Variants in ADGRA2 observed in about 807,000 individuals in gnomAD.
ADGRA2 encodes G-protein coupled receptor 124.
ADGRA2 carries 61 observed loss-of-function variants against 98.7 expected under a neutral mutation model. That is an observed-to-expected ratio of 0.62 (90% CI 0.50 to 0.76). The LOEUF (loss-of-function observed/expected upper bound fraction) is 0.76. Among genes scored for constraint, ADGRA2 ranks in the 30% least tolerant of loss-of-function variants. The pLI is 0.00. For synonymous variants in ADGRA2, 858 were observed against 831.5 expected (o/e 1.03, Z -0.55); for missense variants, 1,712 against 1,860.0 (o/e 0.92, Z 1.46).
At chr8:37,806,661 CTGGGACTACAGA>C (rs1292071655) in intron 1 of ADGRA2, among the ~76,000 whole-genome samples, 3 of 151,682 alleles carry the variant, frequency 2.0e-5, no homozygotes, top group African/African-American at 7.3e-5. Context: ...TCCCTAGTAG[CTGGGACTACAGA>C]TGCATGCTAC....
At chr8:37,824,283 C>T (rs1805206537) in intron 2 of ADGRA2, among the ~76,000 whole-genome samples, 1 of 151,834 alleles carries the variant, frequency 6.6e-6, no homozygotes, top group Non-Finnish European at 1.5e-5. Context: ...CCCGCCTTGG[C>T]CACCCAGAGT....
At chr8:37,808,945 C>T (rs149911568) in intron 1 of ADGRA2, among the ~76,000 whole-genome samples, 8,346 of 152,150 alleles carry the variant, frequency 0.055, 475 homozygotes, top group East Asian at 0.19. Context: ...CTGCCTCAGC[C>T]TCCAGAGTAG....
chr8:37,840,857 C>T lies in ADGRA2; in HGVS notation c.2747+8C>T. 1.2e-6 allele frequency: 1 copy of T among 817,882 alleles called. No homozygotes were observed. Among genetic ancestry groups the T allele is most frequent in the Non-Finnish European group, 1.9e-6 (1 of 521,106 alleles). The allele number at this position is 817,882 out of a possible 1,614,324, so 50.7% of individuals were successfully genotyped here. On this transcript the variant is annotated splice_region_variant and intron_variant, in intron 18 of 18. Coordinates refer to ENST00000412232, the MANE Select transcript of ADGRA2 (RefSeq NM_032777.10). ...CCGGGACCACAGCCCCTAGTGAGCACCCCTCCCTCCCGCCCCAAGCCTACC... is the reference window on the plus strand; with the variant it reads ...CCGGGACCACAGCCCCTAGTGAGCATCCCTCCCTCCCGCCCCAAGCCTACC...
intron 17 of ADGRA2, 27 bp from the exon 18 acceptor site, chr8:37,840,733 G>T (rs758677906): frequency 8.0e-7 from 1 of 1,247,888 alleles, no homozygotes; most frequent in Non-Finnish European, 1.2e-6. Flanking sequence ...CCCATCTCTG[G>T]GACCCCCAAT....
At chr8:37,808,057 T>C (rs1376716880) in intron 1 of ADGRA2, among the ~76,000 whole-genome samples, 1 of 152,122 alleles carries the variant, frequency 6.6e-6, no homozygotes, top group Non-Finnish European at 1.5e-5. Flanking sequence ...TCCAGCCTCA[T>C]TAGTGGGAAC....
chr8:37,835,688 C>G lies in ADGRA2; in HGVS notation c.1968C>G (p.Ser656Arg), dbSNP rs1805590308. Residue 656 changes from serine (S) to arginine (R), a missense_variant, in exon 13 of 19, where the codon AGC (serine) becomes AGG (arginine). Physicochemically the swap from Ser to Arg is moderately radical, Grantham distance 110 (BLOSUM62 -1). Transcript: ENST00000412232. ...TCCGAAATGGCCGCCTCTTCCACAGCCACAGCAACACCTCCCGCCCTGGAG... is the reference window on the plus strand; with the variant it reads ...TCCGAAATGGCCGCCTCTTCCACAGGCACAGCAACACCTCCCGCCCTGGAG... ...LVFRNGRLFH[S>R]HSNTSRPGAA... is the part of the protein sequence containing the mutation. 1 of 1,613,838 alleles carries G rather than the reference C, an allele frequency of 6.2e-7. No individual in the cohort carries two copies. Among genetic ancestry groups the G allele is most frequent in the Non-Finnish European group, 8.5e-7 (1 of 1,179,960 alleles).
rs1387383619 is a variant in ADGRA2 at position 37,830,240 on chromosome 8, G to C, written c.718+226G>C. On this transcript the variant is annotated intron_variant, in intron 6 of 18. Transcript: ENST00000412232. The surrounding 1 kb of genome is among the most constrained non-coding windows in gnomAD (Gnocchi z 4.8). ...CAGCACAAAAAGGCTTTTCTGTGCT[G>C]TCTTTCATTACAGGTTTGCAACAGC... is the stretch of plus-strand genomic sequence containing the variant. 6.6e-6 allele frequency among the ~76,000 whole-genome samples: 1 copy of C among 152,210 alleles called. No homozygotes were observed.
At chr8:37,813,932 C>T (rs545367953) in intron 1 of ADGRA2, among the ~76,000 whole-genome samples, 59 of 152,304 alleles carry the variant, frequency 3.9e-4, no homozygotes, top group Non-Finnish European at 6.8e-4. Flanking sequence ...GCCTGGAGGC[C>T]GCTCCCTCAA....
intron 5 of ADGRA2, 103 bp from the exon 6 acceptor site, chr8:37,829,748 C>A: frequency 1.6e-6 from 2 of 1,229,450 alleles, no homozygotes; most frequent in Non-Finnish European, 2.3e-6. Flanking sequence ...CCCGATTTTG[C>A]CCCTCCTACC....
chr8:37,837,762 A>G lies in ADGRA2; in HGVS notation c.2082A>G (p.Pro694=). ...SGCGVGNLTE[P]VAVSLRHWAE... is the part of the protein sequence containing the mutation. ...GTGGCGTGGGAAACCTGACAGAGCCAGTGGCCGTTTCGCTGCGGCACTGGG... is the reference window on the plus strand; with the variant it reads ...GTGGCGTGGGAAACCTGACAGAGCCGGTGGCCGTTTCGCTGCGGCACTGGG... The change falls in exon 14 of 19, where the codon CCA becomes CCG. Residue 694 remains proline (P), a synonymous_variant. Transcript: ENST00000412232. 1.3e-6 allele frequency: 2 copies of G among 1,553,276 alleles called. No homozygotes were observed. The highest frequency in any genetic ancestry group is 1.7e-6 in the Non-Finnish European group (2 of 1,148,492).
chr8:37,844,696 C>A lies in ADGRA2; in HGVS notation c.*2341C>A, dbSNP rs868725875. 6.2e-7 allele frequency: 1 copy of A among 1,614,088 alleles called. No individual in the cohort carries two copies. The highest frequency in any genetic ancestry group is 1.3e-5 in the African/African-American group (1 of 75,036). The stretch of plus-strand genomic sequence containing the variant: ...GGTGGCAAGAGAAGGGCAGGACTGG[C>A]CGGCCGCTTCCCCTGGGGTAAACCT... On this transcript the variant is annotated 3_prime_UTR_variant, in exon 19 of 19. Transcript: ENST00000412232.
rs1192901414 is a variant in ADGRA2, at chr8:37,841,992, G to C, written c.3654G>C (p.Glu1218Asp). ...GGGCGCTGGAGCTGCTGTCCAGCGA[G>C]AGCGGCAGTCTGCACAACAGCCCCA... ...AAGALELLSS[E>D]SGSLHNSPTD... Residue 1218 changes from glutamate to aspartate, a missense_variant, in exon 19 of 19, where the codon GAG becomes GAC. Physicochemically the swap from Glu to Asp is conservative, Grantham distance 45 (BLOSUM62 2). Coordinates refer to ENST00000412232, the MANE Select transcript of ADGRA2 (RefSeq NM_032777.10). The surrounding 1 kb of genome is among the most constrained non-coding windows in gnomAD (Gnocchi z 5.0). The C allele has an allele frequency of 6.6e-7, 1 of 1,511,600 alleles. No individual in the cohort carries two copies. 93.6% of individuals were successfully genotyped at this position (1,511,600 alleles called of 1,614,324 possible).
In ADGRA2 at chr8:37,834,202, C is replaced by T; in HGVS notation, c.1608+74C>T. 2 of 1,345,718 alleles carry T rather than the reference C, an allele frequency of 1.5e-6. No individual in the cohort carries two copies. The highest frequency in any genetic ancestry group is 2.7e-5 in the South Asian group (2 of 74,632). The allele number at this position is 1,345,718 out of a possible 1,614,324, so 83.4% of individuals were successfully genotyped here. A position where few individuals can be genotyped will look rare whatever the true frequency, so the allele number is the denominator to read the frequency against. Reference sequence around the variant, plus strand: ...GCGCTCCCTCTCAGGCGTGCACCTGCCGTGCCCCAGCTAGCAAGAGCAGCA... The same window carrying T: ...GCGCTCCCTCTCAGGCGTGCACCTGTCGTGCCCCAGCTAGCAAGAGCAGCA... On this transcript the variant is annotated intron_variant, in intron 11 of 18. Coordinates refer to ENST00000412232, the MANE Select transcript of ADGRA2 (RefSeq NM_032777.10). This position sits in a 1 kb window ranked among gnomAD's most constrained non-coding sequence, Gnocchi z 4.2.
chr8:37,831,551 C>T lies in ADGRA2; in HGVS notation c.1061C>T (p.Pro354Leu). 1 of 1,613,838 alleles carries T rather than the reference C, an allele frequency of 6.2e-7. No homozygotes were observed. The highest frequency in any genetic ancestry group is 1.6e-4 in the Middle Eastern group (1 of 6,062). Residue 354 changes from proline to leucine, a missense_variant, in exon 8 of 19, where the codon CCC becomes CTC. By Grantham distance (98) the Pro-to-Leu change is moderately conservative. Transcript: ENST00000412232. ...VVLETSASYC[P>L]AERVANNRGD... The stretch of plus-strand genomic sequence containing the variant: ...CTGGAGACCTCTGCCTCCTACTGCC[C>T]CGCCGAGCGTGTTGCCAACAACCGC...
Position 37,837,847 on chromosome 8 carries a change from G to T in ADGRA2, c.2167G>T (p.Gly723Cys), listed in dbSNP as rs1190723275. ...WSQEGPGEAG[G>C]WTSEGCQLRS... is the part of the protein sequence containing the mutation. ...CCAGGAGGGGCCCGGGGAGGCTGGG[G>T]GCTGGACCTCGGAGGGCTGCCAGCT... The change falls in exon 14 of 19, where the codon GGC becomes TGC. Residue 723 changes from glycine to cysteine, a missense_variant. Gly to Cys is a radical substitution (Grantham distance 159). Transcript: ENST00000412232. 4.0e-6 allele frequency: 6 copies of T among 1,518,916 alleles called. No individual in the cohort carries two copies. Among genetic ancestry groups the T allele is most frequent in the Non-Finnish European group, 5.3e-6 (6 of 1,131,964 alleles). 94.1% of individuals were successfully genotyped at this position (1,518,916 alleles called of 1,614,324 possible). A position where few individuals can be genotyped will look rare whatever the true frequency, so the allele number is the denominator to read the frequency against.
chr8:37,827,873 C>T (rs1253994405), intron 2 of ADGRA2, among the ~76,000 whole-genome samples: 5 of 152,204 alleles, frequency 3.3e-5, no homozygotes, highest in African/African-American at 9.7e-5. Context: ...GTGGCTCACA[C>T]CTGTAACCCC....
chr8:37,844,758 T>C lies in ADGRA2; in HGVS notation c.*2403T>C, dbSNP rs776175538. ...TCCCACCTCCCCTTCTCCTTGCCCC[T>C]GTCCCCACCCCGGTGGCTCCTTCTC... On this transcript the variant is annotated 3_prime_UTR_variant, in exon 19 of 19. Coordinates refer to ENST00000412232, the MANE Select transcript of ADGRA2 (RefSeq NM_032777.10). 2 of 1,613,918 alleles carry C rather than the reference T, an allele frequency of 1.2e-6. No homozygotes were observed. Among genetic ancestry groups the C allele is most frequent in the South Asian group, 1.1e-5 (1 of 91,032 alleles).
rs772778001 is a variant in ADGRA2, at chr8:37,835,245, C to G, written c.1680C>G (p.Ala560=). ...GCTACGTGGGCCTGACCTGCACAGC[C>G]TTCCAGAGGAGGGAGGGAGGGGTGC... is the stretch of plus-strand genomic sequence containing the variant. ...PHSYVGLTCT[A]FQRREGGVPG... The change falls in exon 12 of 19, where the codon GCC becomes GCG. Residue 560 remains alanine (A), a synonymous_variant. Transcript: ENST00000412232. The G allele has an allele frequency of 1.2e-6, 2 of 1,614,028 alleles. No homozygotes were observed. Among genetic ancestry groups the G allele is most frequent in the Non-Finnish European group, 1.7e-6 (2 of 1,179,994 alleles).
intron 1 of ADGRA2, among the ~76,000 whole-genome samples, chr8:37,811,427 C>T (rs1289059527): frequency 2.7e-5 from 4 of 149,636 alleles, no homozygotes; most frequent in Non-Finnish European, 5.9e-5. Context: ...CTGCCTCAGC[C>T]TCTCAAAGTG....
Sources: gnomAD v4.1 joint callset for allele counts (sites outside exome capture counted in the v4.1 genomes callset) on GRCh38, gnomAD v4.1.1 for gene constraint, Gnocchi (gnomAD v3.1) non-coding constraint, MANE v1.5 for transcripts, NCBI Gene and HGNC (gene_info 2026-07-23, HGNC 2026-07-21) for gene names.